The following ABCC3 variants were observed in gnomAD, a reference collection of about 807,000 sequenced individuals.
ABCC3 encodes the protein ATP-binding cassette sub-family C member 3.
In ABCC3, 121 loss-of-function variants were observed where a neutral mutation model predicts 165.3. The ratio of observed to expected loss-of-function variants is 0.73; its 90% confidence interval spans 0.63 to 0.85. ABCC3 has a LOEUF of 0.85. Among genes scored for constraint, ABCC3 ranks in the 40% least tolerant of loss-of-function variants. The probability of loss-of-function intolerance (pLI) is 0.00; values close to 1 mark genes in which losing one functional copy is unlikely to be tolerated. For missense variants in ABCC3, 1,869 were observed against 1,964.1 expected (o/e 0.95, Z 0.92); for synonymous variants, 733 against 810.1 (o/e 0.90, Z 1.62).
rs2054173319 is a variant in ABCC3 at position 50,635,696 on chromosome 17, A to C, written c.45+715A>C. 4.5e-6 allele frequency: 3 copies of C among 666,120 alleles called. No individual in the cohort carries two copies. In the South Asian group the frequency reaches 4.8e-5, roughly 11 times the overall value. The allele number at this position is 666,120 out of a possible 1,614,324, so 41.3% of individuals were successfully genotyped here. On this transcript the variant is annotated intron_variant, in intron 1 of 30. Coordinates refer to ENST00000285238, the MANE Select transcript of ABCC3 (RefSeq NM_003786.4). ...GGAAGGGACTTGCCCAAAGTTACCCAGTTCAATGAAGGCAGAGCTGGGATA... is the reference window on the plus strand; with the variant it reads ...GGAAGGGACTTGCCCAAAGTTACCCCGTTCAATGAAGGCAGAGCTGGGATA...
rs955022742 is a variant in ABCC3 at position 50,676,209 on chromosome 17, C to T, written c.3068-69C>T. 7 of 1,587,454 alleles carry T rather than the reference C, an allele frequency of 4.4e-6. No homozygotes were observed. The African/African-American group carries it at 5.4e-5, about 12-fold the overall frequency. ...CTAACCCACTCTGGTCAACCCGTGTCTCTGATTCTGCCCCTTTGTGCCCGC... is the reference window on the plus strand; with the variant it reads ...CTAACCCACTCTGGTCAACCCGTGTTTCTGATTCTGCCCCTTTGTGCCCGC... On this transcript the variant is annotated intron_variant, in intron 22 of 30. Coordinates refer to ENST00000285238, the MANE Select transcript of ABCC3 (RefSeq NM_003786.4).
chr17:50,681,557 C>T (rs1003728783), intron 26 of ABCC3, among the ~76,000 whole-genome samples: 4 of 152,070 alleles, frequency 2.6e-5, no homozygotes, highest in Admixed American at 2.6e-4. Flanking sequence ...CGCAAACCCT[C>T]CCCCCTGCAC....
intron 17 of ABCC3, among the ~76,000 whole-genome samples, 185 bp from the exon 18 acceptor site, chr17:50,672,786 T>C (rs992998732): frequency 1.3e-5 from 2 of 151,724 alleles, no homozygotes; most frequent in Non-Finnish European, 2.9e-5. Flanking sequence ...GCATGAGAAT[T>C]GCTCAAACGC....
chr17:50,658,914 G>A (rs1567829506), intron 6 of ABCC3, among the ~76,000 whole-genome samples: 1 of 152,218 alleles, frequency 6.6e-6, no homozygotes. Flanking sequence ...AGCACCCGAG[G>A]CTGGGGCCAA....
In ABCC3 at chr17:50,683,765, G is replaced by A. The variant is rs11568592; in HGVS notation, c.3954+9G>A. The A allele has an allele frequency of 6.2e-7, 1 of 1,601,652 alleles. No individual in the cohort carries two copies. ...TGCACGGTGGCGAGAAGGTACGCGT[G>A]GGGTAGGCGGGCCTGCGTGTGTGTT... On this transcript the variant is annotated intron_variant, in intron 27 of 30. Coordinates refer to ENST00000285238, the MANE Select transcript of ABCC3 (RefSeq NM_003786.4).
In ABCC3 at chr17:50,655,872, C is replaced by A. The variant is rs765978466; in HGVS notation, c.86C>A (p.Thr29Asn). 2 of 1,613,936 alleles carry A rather than the reference C, an allele frequency of 1.2e-6. No homozygotes were observed. Among genetic ancestry groups the A allele is most frequent in the African/African-American group, 2.7e-5 (2 of 74,874 alleles). Reference protein sequence around the residue: ...LSVHTENPDLTPCFQNSLLAW... With the variant: ...LSVHTENPDLNPCFQNSLLAW... ...GTGCACACAGAAAACCCGGACCTCACTCCCTGCTTCCAGAACTCCCTGCTG... is the reference window on the plus strand; with the variant it reads ...GTGCACACAGAAAACCCGGACCTCAATCCCTGCTTCCAGAACTCCCTGCTG... The change falls in exon 2 of 31, where the codon ACT (threonine) becomes AAT (asparagine). Residue 29 changes from threonine (T) to asparagine (N), a missense_variant. Coordinates refer to ENST00000285238, the MANE Select transcript of ABCC3 (RefSeq NM_003786.4).
intron 1 of ABCC3, among the ~76,000 whole-genome samples, chr17:50,655,478 G>A (rs1390001061): frequency 6.6e-6 from 1 of 151,692 alleles, no homozygotes; most frequent in Non-Finnish European, 1.5e-5. Flanking sequence ...ATGAGCCTGG[G>A]AGGGATGAAC....
chr17:50,648,976 G>A (rs892943021), intron 1 of ABCC3, among the ~76,000 whole-genome samples: 2 of 152,064 alleles, frequency 1.3e-5, no homozygotes, highest in African/African-American at 4.8e-5. Context: ...GCTGGGCATT[G>A]TGACACGTGC....
chr17:50,668,341 C>A (rs1167075674), intron 13 of ABCC3, 89 bp from the exon 14 acceptor site: 1 of 1,184,900 alleles, frequency 8.4e-7, no homozygotes, highest in East Asian at 2.3e-5. Context: ...GGGGGTCCTG[C>A]CTAGCCCAGG....
rs138421898 is a variant in ABCC3, at chr17:50,660,968, C to T, written c.852C>T (p.Asp284=). 48 of 1,613,262 alleles carry T rather than the reference C, an allele frequency of 3.0e-5. No individual in the cohort carries two copies. The highest frequency in any genetic ancestry group is 6.7e-5 in the East Asian group (3 of 44,892). Residue 284 remains aspartate, a synonymous_variant, in exon 8 of 31, where the codon GAC becomes GAT. Transcript: ENST00000285238. ...CTGGGAAAAATGCCTCCGGCGAGGACGAGGTGCTGCTGGGTGCCCGGCCCA... is the reference window on the plus strand; with the variant it reads ...CTGGGAAAAATGCCTCCGGCGAGGATGAGGTGCTGCTGGGTGCCCGGCCCA... ...AAPGKNASGE[D]EVLLGARPRP...
At chr17:50,678,065 C>T in intron 24 of ABCC3, 28 bp from the exon 25 acceptor site, 1 of 1,613,116 alleles carries the variant, frequency 6.2e-7, no homozygotes, top group Non-Finnish European at 8.5e-7. Flanking sequence ...GCCCCTGCCC[C>T]ATTTCCTCCT....
intron 28 of ABCC3, among the ~76,000 whole-genome samples, chr17:50,684,368 C>T (rs1034419831): frequency 6.6e-6 from 1 of 152,184 alleles, no homozygotes; most frequent in East Asian, 1.9e-4. Context: ...AGAACCCCTT[C>T]CCCCGAGACA....
intron 6 of ABCC3, 94 bp downstream of exon 6, chr17:50,658,590 G>T: frequency 2.9e-6 from 4 of 1,383,966 alleles, no homozygotes; most frequent in Non-Finnish European, 4.1e-6. Flanking sequence ...TAGGGACCGG[G>T]CTGGCCACCT....
chr17:50,672,399 G>GCCCATATATATACA (rs1967668604), intron 17 of ABCC3, among the ~76,000 whole-genome samples: 1 of 152,220 alleles, frequency 6.6e-6, no homozygotes, highest in Admixed American at 6.5e-5. Flanking sequence ...ATACACATTT[G>GCCCATATATATACA]TGTGCCCATT....
chr17:50,669,509 A>T lies in ABCC3; in HGVS notation c.2222A>T (p.Gln741Leu). The part of the protein sequence containing the change: ...ADLEMLPGGD[Q>L]TEIGEKGINL... ...CTGGAGATGCTGCCTGGTGGGGATC[A>T]GACAGAGATTGGAGAGAAGGTACAG... Residue 741 changes from glutamine (Q) to leucine (L), a missense_variant, in exon 17 of 31, where the codon CAG becomes CTG. By Grantham distance (113) the Gln-to-Leu change is moderately radical. Coordinates refer to ENST00000285238, the MANE Select transcript of ABCC3 (RefSeq NM_003786.4). 1.9e-6 allele frequency: 3 copies of T among 1,614,228 alleles called. No individual in the cohort carries two copies. Among genetic ancestry groups the T allele is most frequent in the Non-Finnish European group, 2.5e-6 (3 of 1,180,016 alleles).
rs117303693 is a variant in ABCC3, at chr17:50,639,342, C to T, written c.45+4361C>T. ...CTTCTCCTCAATCCTGCTGTTCCCC[C>T]ACTTCACCTGGGCCTTAGGTCCCTG... On this transcript the variant is annotated intron_variant, in intron 1 of 30. Transcript: ENST00000285238. Among the ~76,000 whole-genome samples, 829 of 152,326 alleles carry T rather than the reference C, an allele frequency of 5.4e-3. 4 individuals carry two copies. Among genetic ancestry groups the T allele is most frequent in the Non-Finnish European group, 7.7e-3 (523 of 68,030 alleles).
chr17:50,661,310 G>A lies in ABCC3; in HGVS notation c.998+196G>A, dbSNP rs562274736. On this transcript the variant is annotated intron_variant, in intron 8 of 30. Transcript: ENST00000285238. ...CACTCACATTCAACTTAGAATTGCT[G>A]TGCATATACTATGTGCCGGGCACCG... Among the ~76,000 whole-genome samples, 10 of 152,366 alleles carry A rather than the reference G, an allele frequency of 6.6e-5. No individual in the cohort carries two copies. The South Asian group carries it at 2.1e-3, about 32-fold the overall frequency.
At chr17:50,670,555 C>T (rs933879252) in intron 17 of ABCC3, among the ~76,000 whole-genome samples, 1 of 152,168 alleles carries the variant, frequency 6.6e-6, no homozygotes, top group Non-Finnish European at 1.5e-5. Flanking sequence ...AGCTCACATT[C>T]TAGTGGCAGG....
chr17:50,644,610 G>A (rs1966963349), intron 1 of ABCC3, among the ~76,000 whole-genome samples: 1 of 152,184 alleles, frequency 6.6e-6, no homozygotes, highest in Non-Finnish European at 1.5e-5. Flanking sequence ...TACTTGGGAG[G>A]CTGAGACAGG....
Sources: allele counts gnomAD v4.1 joint callset (sites outside exome capture counted in the v4.1 genomes callset), GRCh38; gene constraint gnomAD v4.1.1; transcripts MANE v1.5; gene names NCBI Gene and HGNC (gene_info 2026-07-23, HGNC 2026-07-21).